FAM20B: variants seen among roughly 807,000 people sequenced by gnomAD.
The protein encoded by FAM20B is FAM20B glycosaminoglycan xylosylkinase, also known as glycosaminoglycan xylosylkinase.
In FAM20B, 23 loss-of-function variants were observed where a neutral mutation model predicts 43.8. The ratio of observed to expected loss-of-function variants is 0.53; its 90% confidence interval spans 0.38 to 0.74. FAM20B has a LOEUF of 0.74. Among genes scored for constraint, FAM20B ranks in the 30% least tolerant of loss-of-function variants. The probability of loss-of-function intolerance (pLI) is 0.00; values close to 1 mark genes in which losing one functional copy is unlikely to be tolerated. For synonymous variants in FAM20B, 178 were observed against 192.4 expected (o/e 0.93, Z 0.62); for missense variants, 440 against 510.5 (o/e 0.86, Z 1.33).
At chr1:179,035,344 A>T (rs1237791155) in intron 1 of FAM20B, 1 of 691,286 alleles carries the variant, frequency 1.4e-6, no homozygotes, top group Non-Finnish European at 2.7e-6. Context: ...GGCAGCACCC[A>T]CAGGTCTAAA....
intron 6 of FAM20B, among the ~76,000 whole-genome samples, chr1:179,065,659 C>G (rs923143842): frequency 2.0e-5 from 3 of 152,174 alleles, no homozygotes; most frequent in African/African-American, 7.2e-5. Context: ...AATGAAAAAC[C>G]AGCAAACACT....
At chr1:179,029,973 A>G (rs1649940176) in intron 1 of FAM20B, among the ~76,000 whole-genome samples, 1 of 152,184 alleles carries the variant, frequency 6.6e-6, no homozygotes, top group Non-Finnish European at 1.5e-5. Flanking sequence ...TTTTTGAATT[A>G]TTGAATCTAC....
Position 179,064,438 on chromosome 1 carries a change from G to A in FAM20B, c.880G>A (p.Glu294Lys). The change falls in exon 6 of 8, where the codon GAG becomes AAG. Residue 294 changes from glutamate (E) to lysine (K), a missense_variant. Coordinates refer to ENST00000263733, the MANE Select transcript of FAM20B (RefSeq NM_014864.4). Reference protein sequence around the residue: ...LIGNADRHHYESFQDDEGASM... With the variant: ...LIGNADRHHYKSFQDDEGASM... Reference sequence around the variant, plus strand: ...TGGCAATGCTGACCGCCATCACTATGAGAGCTTTCAAGATGATGAAGGCGC... The same window carrying A: ...TGGCAATGCTGACCGCCATCACTATAAGAGCTTTCAAGATGATGAAGGCGC... The A allele has an allele frequency of 6.2e-7, 1 of 1,614,178 alleles. No individual in the cohort carries two copies. The highest frequency in any genetic ancestry group is 8.5e-7 in the Non-Finnish European group (1 of 1,180,032).
At chr1:179,042,656 G>A (rs536377365) in intron 1 of FAM20B, among the ~76,000 whole-genome samples, 3 of 152,226 alleles carry the variant, frequency 2.0e-5, no homozygotes, top group East Asian at 3.9e-4. Context: ...CATGCCCCAC[G>A]CTGACAACTG....
chr1:179,052,993 C>T (rs72709407), intron 3 of FAM20B, among the ~76,000 whole-genome samples: 3,288 of 152,220 alleles, frequency 0.022, 65 homozygotes, highest in Middle Eastern at 0.048. Flanking sequence ...TTGTATTTCC[C>T]CATTACTGGC....
At chr1:179,032,009 C>T (rs1650033716) in intron 1 of FAM20B, among the ~76,000 whole-genome samples, 1 of 152,162 alleles carries the variant, frequency 6.6e-6, no homozygotes, top group African/African-American at 2.4e-5. Context: ...GCATGACACT[C>T]ACTCTGAAGA....
intron 5 of FAM20B, 98 bp from the exon 6 acceptor site, chr1:179,064,207 A>T (rs1651596665): frequency 2.1e-6 from 3 of 1,416,220 alleles, no homozygotes; most frequent in Non-Finnish European, 2.9e-6. Context: ...CTGTGGAGTC[A>T]GGGGCAAACC....
At chr1:179,067,613 A>T (rs1046990302) in intron 7 of FAM20B, among the ~76,000 whole-genome samples, 2 of 152,070 alleles carry the variant, frequency 1.3e-5, no homozygotes, top group Non-Finnish European at 2.9e-5. Flanking sequence ...CAAAAAAAAT[A>T]AATAATAAAT....
intron 4 of FAM20B, among the ~76,000 whole-genome samples, chr1:179,058,418 C>T (rs1651316300): frequency 6.6e-6 from 1 of 152,106 alleles, no homozygotes. Flanking sequence ...GCTTACAGAC[C>T]CTATGAGTTG....
chr1:179,034,835 T>C (rs1178398337), intron 1 of FAM20B, among the ~76,000 whole-genome samples: 4 of 152,350 alleles, frequency 2.6e-5, no homozygotes, highest in African/African-American at 9.6e-5. Context: ...TCCTTTGTGG[T>C]GCTTTGCATT....
At chr1:179,062,094 C>A (rs1335416535) in intron 4 of FAM20B, among the ~76,000 whole-genome samples, 2 of 151,820 alleles carry the variant, frequency 1.3e-5, no homozygotes, top group Admixed American at 1.3e-4. Flanking sequence ...GCAAACTTTG[C>A]CTCTCAGGTT....
chr1:179,057,975 A>AT (rs1365701338), intron 4 of FAM20B, among the ~76,000 whole-genome samples: 1 of 152,204 alleles, frequency 6.6e-6, no homozygotes, highest in Non-Finnish European at 1.5e-5. Context: ...TGTATTTAAC[A>AT]TTTTTTGTGC....
intron 4 of FAM20B, among the ~76,000 whole-genome samples, chr1:179,061,335 A>G (rs1651457773): frequency 6.6e-6 from 1 of 151,690 alleles, no homozygotes; most frequent in African/African-American, 2.4e-5. Context: ...TTCACTTAGT[A>G]TGATAGTTGC....
intron 6 of FAM20B, among the ~76,000 whole-genome samples, chr1:179,065,988 G>A (rs959786398): frequency 3.1e-4 from 47 of 152,130 alleles, no homozygotes; most frequent in African/African-American, 9.9e-4. Flanking sequence ...CACTAATCCC[G>A]TTCATGTGGG....
At chr1:179,026,507 C>T (rs773387770) in intron 1 of FAM20B, among the ~76,000 whole-genome samples, 23 of 152,164 alleles carry the variant, frequency 1.5e-4, no homozygotes, top group Admixed American at 5.2e-4. Flanking sequence ...CGGTGCCTCT[C>T]TTGTGTTCCC....
intron 1 of FAM20B, 22 bp from the exon 2 acceptor site, chr1:179,043,693 T>G: frequency 1.6e-6 from 1 of 640,822 alleles, no homozygotes; most frequent in Non-Finnish European, 2.6e-6. Flanking sequence ...GATCAAATTT[T>G]GCTTTGTACT....
rs1261153550 is a variant in FAM20B at position 179,064,475 on chromosome 1, T to A, written c.917T>A (p.Ile306Asn). Reference sequence around the variant, plus strand: ...GATGATGAAGGCGCTAGTATGCTCATCCTTCTTGATAATGCCAAAAGGTGA... The same window carrying A: ...GATGATGAAGGCGCTAGTATGCTCAACCTTCTTGATAATGCCAAAAGGTGA... ...FQDDEGASML[I>N]LLDNAKSFGN... Residue 306 changes from isoleucine to asparagine, a missense_variant, in exon 6 of 8, where the codon ATC becomes AAC. By Grantham distance (149) the Ile-to-Asn change is moderately radical. Transcript: ENST00000263733. 6.2e-7 allele frequency: 1 copy of A among 1,613,538 alleles called. No homozygotes were observed. The highest frequency in any genetic ancestry group is 8.5e-7 in the Non-Finnish European group (1 of 1,179,468).
rs375509891 is a variant in FAM20B at position 179,039,977 on chromosome 1, A to G, written c.-133-3738A>G. Among the ~76,000 whole-genome samples, 385 of 152,302 alleles carry G rather than the reference A, an allele frequency of 2.5e-3. 5 individuals are homozygous for G. Among genetic ancestry groups the G allele is most frequent in the African/African-American group, 9.0e-3 (375 of 41,554 alleles). Reference sequence around the variant, plus strand: ...TTCAAACATCTGTTTAACAAAGCACATCTTGCACCGCCCTTAATCCATTTA... The same window carrying G: ...TTCAAACATCTGTTTAACAAAGCACGTCTTGCACCGCCCTTAATCCATTTA... On this transcript the variant is annotated intron_variant, in intron 1 of 7. Transcript: ENST00000263733.
Position 179,043,864 on chromosome 1 carries a change from G to A in FAM20B, c.17G>A (p.Arg6Gln), listed in dbSNP as rs766605797. 6 of 1,599,818 alleles carry A rather than the reference G, an allele frequency of 3.8e-6. No homozygotes were observed. The highest frequency in any genetic ancestry group is 4.5e-5 in the East Asian group (2 of 44,532). Residue 6 changes from arginine (R) to glutamine (Q), a missense_variant, in exon 2 of 8, where the codon CGA (arginine) becomes CAA (glutamine). By Grantham distance (43) the Arg-to-Gln change is conservative (BLOSUM62 1). Coordinates refer to ENST00000263733, the MANE Select transcript of FAM20B (RefSeq NM_014864.4). ...GAGGTCAACATGAAGCTAAAGCAGC[G>A]AGTCGTGCTGTTAGCAATTCTCCTT... MKLKQ[R>Q]VVLLAILLVI...
Sources: gnomAD v4.1 joint callset for allele counts (sites outside exome capture counted in the v4.1 genomes callset) on GRCh38, gnomAD v4.1.1 for gene constraint, MANE v1.5 for transcripts, NCBI Gene and HGNC (gene_info 2026-07-23, HGNC 2026-07-21) for gene names.